The following HOXC4 variants were observed in gnomAD, a reference collection of about 807,000 sequenced individuals.
The protein encoded by HOXC4 is homeobox C4.
A neutral mutation model predicts 25.5 loss-of-function variants in HOXC4; 15 were observed. The ratio of observed to expected loss-of-function variants is 0.59; its 90% CI spans 0.39 to 0.91. The LOEUF is 0.91. Ranked by LOEUF, HOXC4 falls within the 40% of genes least tolerant of loss-of-function variation. The pLI is 0.00. For missense variants in HOXC4, 342 were observed against 352.4 expected, an observed-to-expected ratio of 0.97 and a Z score of 0.24; for synonymous variants, 165 against 148.0, an observed-to-expected ratio of 1.11 and a Z score of -0.83.
intron 1 of HOXC4, chr12:54,020,720 G>C (rs1477560686): frequency 6.6e-6 from 1 of 152,188 alleles, no homozygotes; most frequent in Non-Finnish European, 1.5e-5. Flanking sequence ...GAGGCACCGG[G>C]TGCACTGAGC....
chr12:54,049,894 A>G (rs1937806505), upstream of HOXC4, among the ~76,000 whole-genome samples: 1 of 152,138 alleles, frequency 6.6e-6, no homozygotes. Flanking sequence ...CTGATTGCAT[A>G]CCATCTAAAA....
At chr12:54,050,133 T>C (rs556342947), upstream of HOXC4, among the ~76,000 whole-genome samples, 2 of 152,292 alleles carry the variant, frequency 1.3e-5, no homozygotes, top group East Asian at 3.9e-4. Context: ...AGAGAATCTA[T>C]GGAGCCGCTG....
chr12:54,033,052 C>G, intron 1 of HOXC4: 2 of 1,324,092 alleles, frequency 1.5e-6, no homozygotes, highest in South Asian at 2.7e-5. Flanking sequence ...CAAAAAACCC[C>G]TCAACTTCAA....
chr12:54,053,999 A>G lies in HOXC4; in HGVS notation c.77A>G (p.Asn26Ser). 4 of 1,614,182 alleles carry G rather than the reference A, an allele frequency of 2.5e-6. No homozygotes were observed. Among genetic ancestry groups the G allele is most frequent in the Non-Finnish European group, 3.4e-6 (4 of 1,180,012 alleles). The stretch of plus-strand genomic sequence containing the variant: ...CCTCCATGCGAAGAATATTCGCAAA[A>G]TAGCTACATCCCTGAACACAGTCCG... ...KFPPCEEYSQNSYIPEHSPEY... is the reference protein window; with the variant it reads ...KFPPCEEYSQSSYIPEHSPEY... Residue 26 changes from asparagine to serine, a missense_variant, in exon 1 of 2, where the codon AAT becomes AGT. Asn to Ser is a conservative substitution (Grantham distance 46). Coordinates refer to ENST00000430889, the MANE Select transcript of HOXC4 (RefSeq NM_153633.3).
At chr12:54,043,676 G>T (rs1941312058) in intron 1 of HOXC4, among the ~76,000 whole-genome samples, 1 of 151,736 alleles carries the variant, frequency 6.6e-6, no homozygotes, top group Non-Finnish European at 1.5e-5. Flanking sequence ...TGACTCCAGG[G>T]ATGGTGGCAG....
Position 54,055,124 on chromosome 12 carries a change from T to C in HOXC4, c.714T>C (p.Ala238=). The stretch of plus-strand genomic sequence containing the variant: ...CTGCGCCCAGCACCCTTTCGGCAGC[T>C]ACCCCGGGTACTTCTGAAGACCACT... ...AGAAPSTLSA[A]TPGTSEDHSQ... Residue 238 remains alanine, a synonymous_variant, in exon 2 of 2, where the codon GCT becomes GCC. Coordinates refer to ENST00000430889, the MANE Select transcript of HOXC4 (RefSeq NM_153633.3). 2 of 1,613,290 alleles carry C rather than the reference T, an allele frequency of 1.2e-6. No homozygotes were observed. Among genetic ancestry groups the C allele is most frequent in the Non-Finnish European group, 1.7e-6 (2 of 1,179,844 alleles).
intron 1 of HOXC4, among the ~76,000 whole-genome samples, chr12:54,032,120 G>A (rs1044540967): frequency 9.2e-5 from 14 of 152,320 alleles, no homozygotes; most frequent in African/African-American, 2.9e-4. Flanking sequence ...GGGAAACAGA[G>A]CAGTCCTCTA....
At chr12:54,034,736 G>A (rs1941136673) in intron 1 of HOXC4, 1 of 520,588 alleles carries the variant, frequency 1.9e-6, no homozygotes, top group Admixed American at 3.2e-5. Flanking sequence ...CCGGGGCCCA[G>A]GGCAAGCTCC....
chr12:54,022,831 T>G (rs1056149426), intron 1 of HOXC4, among the ~76,000 whole-genome samples: 1 of 152,168 alleles, frequency 6.6e-6, no homozygotes, highest in African/African-American at 2.4e-5. Context: ...ATAATTCTCA[T>G]GAACCTCTCA....
Position 54,055,220 on chromosome 12 carries a change from C to T in HOXC4, c.*15C>T. 3 of 1,456,538 alleles carry T rather than the reference C, an allele frequency of 2.1e-6. No homozygotes were observed. Among genetic ancestry groups the T allele is most frequent in the Non-Finnish European group, 2.8e-6 (3 of 1,085,330 alleles). 90.2% of individuals were successfully genotyped at this position (1,456,538 alleles called of 1,614,324 possible). On this transcript the variant is annotated 3_prime_UTR_variant, in exon 2 of 2. Coordinates refer to ENST00000430889, the MANE Select transcript of HOXC4 (RefSeq NM_153633.3). ...CCAGGTTATAAAACATAACTCACAC[C>T]CCTGCCCCCACCCCATGCCCCCACC...
At chr12:54,025,710 C>T (rs540465320) in intron 1 of HOXC4, among the ~76,000 whole-genome samples, 22 of 152,206 alleles carry the variant, frequency 1.4e-4, no homozygotes, top group African/African-American at 5.1e-4. Context: ...TGTTTAGGGA[C>T]GTCATAAAAC....
chr12:54,032,298 G>C (rs954015945), intron 1 of HOXC4, among the ~76,000 whole-genome samples: 2 of 152,134 alleles, frequency 1.3e-5, no homozygotes, highest in Admixed American at 1.3e-4. Context: ...CCCCTATCTT[G>C]TTCTGACCAC....
At chr12:54,043,967 T>TGTG (rs1565750571) in intron 1 of HOXC4, among the ~76,000 whole-genome samples, 30 of 66,292 alleles carry the variant, frequency 4.5e-4, no homozygotes, top group South Asian at 2.1e-3. Context: ...TGTGTGTGTG[T>TGTG]TTAGGGAGTA....
chr12:54,053,829 G>A, upstream of HOXC4: 1 of 963,642 alleles, frequency 1.0e-6, no homozygotes, highest in Non-Finnish European at 1.6e-6. Flanking sequence ...GTCACATGGT[G>A]AAAGTAACTT....
chr12:54,035,390 A>G (rs958717750), intron 1 of HOXC4: 1 of 152,674 alleles, frequency 6.5e-6, no homozygotes, highest in African/African-American at 2.4e-5. Flanking sequence ...TGTTTGGGGC[A>G]TGTATTGGGT....
chr12:54,034,223 G>A (rs1941113688), intron 1 of HOXC4: 1 of 1,490,794 alleles, frequency 6.7e-7, no homozygotes, highest in South Asian at 1.1e-5. Flanking sequence ...TGGGGACGGG[G>A]GAACGCTGCA....
chr12:54,044,580 G>A (rs1565750765), intron 1 of HOXC4, among the ~76,000 whole-genome samples: 1 of 152,148 alleles, frequency 6.6e-6, no homozygotes, highest in African/African-American at 2.4e-5. Context: ...ATAAGACAGA[G>A]TTCATAGGAG....
At position 54,055,073 on chromosome 12, in the gene HOXC4, AG is replaced by A; in HGVS notation, c.664del (p.Val222SerfsTer46). ...AGGACCACCGACTCCCCAACACCAA[AG>A]TCAGGTCAGCACCCCCGGCCGGCGC... Reference protein sequence around the residue: ...KKDHRLPNTKVRSAPPAGAAP... With the variant: ...KKDHRLPNTKXRSAPPAGAAP... On this transcript the variant is annotated frameshift_variant, in exon 2 of 2. Coordinates refer to ENST00000430889, the MANE Select transcript of HOXC4 (RefSeq NM_153633.3). LOFTEE classifies it high-confidence loss of function. 1 of 1,613,530 alleles carries A rather than the reference AG, an allele frequency of 6.2e-7. No individual in the cohort carries two copies. The highest frequency in any genetic ancestry group is 8.5e-7 in the Non-Finnish European group (1 of 1,179,876).
At chr12:54,041,306 A>G (rs1204888707) in intron 1 of HOXC4, among the ~76,000 whole-genome samples, 2 of 152,220 alleles carry the variant, frequency 1.3e-5, no homozygotes, top group Non-Finnish European at 2.9e-5. Context: ...CTGGGTCCAG[A>G]CCCAGGTATT....
Sources: gnomAD v4.1 joint callset for allele counts (sites outside exome capture counted in the v4.1 genomes callset) on GRCh38, gnomAD v4.1.1 for gene constraint, MANE v1.5 for transcripts, NCBI Gene and HGNC (gene_info 2026-07-23, HGNC 2026-07-21) for gene names.